Variants in CSMD1 observed in about 807,000 individuals in gnomAD.
CSMD1 encodes CUB and sushi domain-containing protein 1.
A neutral mutation model predicts 417.5 loss-of-function variants in CSMD1; 213 were observed. That is an observed-to-expected ratio of 0.51 (90% confidence interval 0.46 to 0.57). CSMD1 has a LOEUF of 0.57. CSMD1 is among the 20% of genes least tolerant of loss of function. The pLI, the probability that CSMD1 is intolerant of heterozygous loss-of-function variation, is 0.00. For missense variants in CSMD1, 6,923 were observed against 4,529.7 expected, an observed-to-expected ratio of 1.53 and a Z score of -15.17; for synonymous variants, 2,862 against 1,736.8, an observed-to-expected ratio of 1.65 and a Z score of -16.11.
At chr8:3,273,647 T>G (rs1219642623) in intron 26 of CSMD1, among the ~76,000 whole-genome samples, 1 of 152,242 alleles carries the variant, frequency 6.6e-6, no homozygotes, top group African/African-American at 2.4e-5. Flanking sequence ...AACTTCTTCC[T>G]GGTTTAGTCT....
intron 51 of CSMD1, among the ~76,000 whole-genome samples, chr8:3,024,304 G>A (rs1245517485): frequency 7.0e-6 from 1 of 143,450 alleles, no homozygotes; most frequent in Non-Finnish European, 1.5e-5. Context: ...TTTGGGGGGG[G>A]AGGGCAGTGG....
intron 3 of CSMD1, among the ~76,000 whole-genome samples, chr8:4,342,788 C>G (rs117089196): frequency 2.0e-5 from 3 of 152,062 alleles, no homozygotes; most frequent in East Asian, 1.9e-4. Flanking sequence ...GCTCAAGGGA[C>G]TTGGAAAGGT....
intron 2 of CSMD1, among the ~76,000 whole-genome samples, chr8:4,462,706 T>C (rs547169996): frequency 1.3e-5 from 2 of 152,330 alleles, no homozygotes; most frequent in East Asian, 3.9e-4. Context: ...TCAATTTGAT[T>C]TTTGACAAGA....
chr8:2,991,894 T>C (rs934271458), intron 54 of CSMD1, among the ~76,000 whole-genome samples: 1 of 152,154 alleles, frequency 6.6e-6, no homozygotes, highest in Non-Finnish European at 1.5e-5. Flanking sequence ...TCACAGGAAA[T>C]TTCGTTTAAG....
intron 8 of CSMD1, among the ~76,000 whole-genome samples, chr8:3,587,239 G>A (rs1800644007): frequency 6.6e-6 from 1 of 152,200 alleles, no homozygotes; most frequent in Non-Finnish European, 1.5e-5. Flanking sequence ...CTGGACAGCT[G>A]CATTCAAAAG....
chr8:3,771,711 CA>C (rs1798583718), intron 5 of CSMD1, among the ~76,000 whole-genome samples: 1 of 152,120 alleles, frequency 6.6e-6, no homozygotes, highest in Non-Finnish European at 1.5e-5. Context: ...GAGGTAAAAG[CA>C]GACAAAACGC....
chr8:4,902,395 C>T (rs567186378), intron 1 of CSMD1, among the ~76,000 whole-genome samples: 149 of 151,242 alleles, frequency 9.9e-4, no homozygotes, highest in Non-Finnish European at 1.7e-3. Flanking sequence ...CATGATTGTG[C>T]CACTTAGCAA....
At chr8:3,825,248 G>C (rs926482149) in intron 5 of CSMD1, among the ~76,000 whole-genome samples, 4 of 152,152 alleles carry the variant, frequency 2.6e-5, no homozygotes, top group African/African-American at 9.7e-5. Flanking sequence ...GCCCTTGAGA[G>C]GCCGGGTGTG....
At chr8:3,236,802 A>C (rs898421266) in intron 26 of CSMD1, among the ~76,000 whole-genome samples, 3 of 152,206 alleles carry the variant, frequency 2.0e-5, no homozygotes, top group African/African-American at 7.2e-5. Context: ...GCCATAAAAA[A>C]GAAAACATTT....
At chr8:3,892,257 A>G (rs890062634) in intron 5 of CSMD1, among the ~76,000 whole-genome samples, 2 of 152,216 alleles carry the variant, frequency 1.3e-5, no homozygotes, top group African/African-American at 4.8e-5. Flanking sequence ...ATACCTGAAC[A>G]TTCAATAATC....
At chr8:3,512,316 T>G (rs568001592) in intron 10 of CSMD1, among the ~76,000 whole-genome samples, 1 of 152,334 alleles carries the variant, frequency 6.6e-6, no homozygotes, top group East Asian at 1.9e-4. Flanking sequence ...GCAACTTATT[T>G]GTTCTATACC....
chr8:4,451,323 C>G (rs909787745), intron 2 of CSMD1, among the ~76,000 whole-genome samples: 5 of 152,256 alleles, frequency 3.3e-5, no homozygotes, highest in Non-Finnish European at 5.9e-5. Context: ...CCACTCCAGC[C>G]TGGGCAACAA....
At chr8:3,124,770 C>T (rs946237122) in intron 41 of CSMD1, among the ~76,000 whole-genome samples, 6 of 152,104 alleles carry the variant, frequency 3.9e-5, no homozygotes, top group Admixed American at 6.6e-5. Context: ...TTATAAAAAC[C>T]CAGGACCCAT....
intron 3 of CSMD1, among the ~76,000 whole-genome samples, chr8:4,358,618 A>C (rs530363788): frequency 6.6e-6 from 1 of 152,338 alleles, no homozygotes; most frequent in African/African-American, 2.4e-5. Context: ...CTAACAGGGT[A>C]TAACTATATC....
At chr8:4,805,125 G>C (rs1368453071) in intron 1 of CSMD1, among the ~76,000 whole-genome samples, 1 of 152,144 alleles carries the variant, frequency 6.6e-6, no homozygotes. Context: ...ATGAGGTATA[G>C]ACCTGATTCT....
chr8:2,965,636 G>T (rs1318282914), intron 59 of CSMD1, 139 bp downstream of exon 59: 6 of 652,418 alleles, frequency 9.2e-6, no homozygotes, highest in Non-Finnish European at 1.6e-5. Flanking sequence ...AAAATAAAGT[G>T]ACTTAATAGT....
chr8:4,332,297 G>T (rs77930579), intron 3 of CSMD1, among the ~76,000 whole-genome samples: 1 of 152,098 alleles, frequency 6.6e-6, no homozygotes, highest in South Asian at 2.1e-4. Context: ...GCCTCTCTTG[G>T]AGATGCTCTT....
intron 3 of CSMD1, among the ~76,000 whole-genome samples, chr8:4,041,086 G>T (rs1308323040): frequency 1.4e-4 from 20 of 138,468 alleles, no homozygotes; most frequent in Admixed American, 3.9e-4. Flanking sequence ...GCGCGATCTC[G>T]GCTCACTGCA....
At chr8:3,224,506 A>G (rs1798387537) in intron 27 of CSMD1, among the ~76,000 whole-genome samples, 1 of 152,192 alleles carries the variant, frequency 6.6e-6, no homozygotes, top group Admixed American at 6.5e-5. Context: ...CTTTCCCCAT[A>G]TTTCAAAGTG....
Sources: gnomAD v4.1 joint callset for allele counts (sites outside exome capture counted in the v4.1 genomes callset) on GRCh38, gnomAD v4.1.1 for gene constraint, MANE v1.5 for transcripts, NCBI Gene and HGNC (gene_info 2026-07-23, HGNC 2026-07-21) for gene names.